The following KLHL28 variants were observed in gnomAD, a reference collection of about 807,000 sequenced individuals.
KLHL28 encodes kelch-like protein 28.
KLHL28 carries 22 observed loss-of-function variants against 48.3 expected under a neutral mutation model. The ratio of observed to expected loss-of-function variants is 0.46; its 90% CI spans 0.33 to 0.65. The LOEUF is 0.65. Among genes scored for constraint, KLHL28 ranks in the 30% least tolerant of loss-of-function variants. KLHL28 has a pLI of 0.03. For missense variants in KLHL28, 527 were observed against 704.3 expected (o/e 0.75, Z 2.85); for synonymous variants, 243 against 242.4 (o/e 1.00, Z -0.02).
intron 1 of KLHL28, 70 bp from the exon 2 acceptor site, chr14:44,945,998 A>T: frequency 3.4e-6 from 4 of 1,180,324 alleles, no homozygotes; most frequent in Non-Finnish European, 4.9e-6. Context: ...CTTTTCAAAT[A>T]GTACAGAATA....
intron 2 of KLHL28, among the ~76,000 whole-genome samples, chr14:44,935,916 C>T (rs1312879131): frequency 4.1e-5 from 1 of 24,460 alleles, no homozygotes; most frequent in African/African-American, 7.3e-5. Context: ...TTACCCTCCC[C>T]CCGCAAAGTT....
At chr14:44,932,250 T>TG (rs201731863) in intron 3 of KLHL28, among the ~76,000 whole-genome samples, 2,623 of 79,916 alleles carry the variant, frequency 0.033, 106 homozygotes, top group African/African-American at 0.1. Context: ...AAGAGAGGGG[T>TG]GGGGGGTGGG....
At chr14:44,949,823 A>G (rs1275698190) in intron 1 of KLHL28, among the ~76,000 whole-genome samples, 1 of 152,172 alleles carries the variant, frequency 6.6e-6, no homozygotes, top group Non-Finnish European at 1.5e-5. Flanking sequence ...TTGCAGTACT[A>G]TTTTAACACC....
intron 2 of KLHL28, among the ~76,000 whole-genome samples, chr14:44,943,864 A>G (rs1430556511): frequency 6.6e-6 from 1 of 151,934 alleles, no homozygotes; most frequent in African/African-American, 2.4e-5. Flanking sequence ...ACAGGAGTGC[A>G]ACACCACTCC....
In KLHL28 at chr14:44,931,529, A is replaced by G; in HGVS notation, c.1356T>C (p.Tyr452=). 1 of 1,612,538 alleles carries G rather than the reference A, an allele frequency of 6.2e-7. No homozygotes were observed. The highest frequency in any genetic ancestry group is 1.7e-4 in the Middle Eastern group (1 of 6,060). ...TCTCCCAGGAGTCCTTACTTGGATC[A>G]TAACGCTCCACACTGCAAATATTTA... ...GPAHMNSVER[Y]DPSKDSWEMV... is the part of the protein sequence containing the mutation. Residue 452 remains tyrosine, a synonymous_variant, in exon 4 of 5, where the codon TAT becomes TAC. Transcript: ENST00000396128.
chr14:44,936,713 T>C (rs1883837461), intron 2 of KLHL28, among the ~76,000 whole-genome samples: 1 of 152,296 alleles, frequency 6.6e-6, no homozygotes, highest in East Asian at 1.9e-4. Flanking sequence ...AGCCATGGCC[T>C]AAGTGGAGAA....
At chr14:44,930,015 A>G (rs1883513762) in intron 4 of KLHL28, among the ~76,000 whole-genome samples, 1 of 152,160 alleles carries the variant, frequency 6.6e-6, no homozygotes, top group East Asian at 1.9e-4. Context: ...AATATATTAA[A>G]TGACATAATT....
rs1883347072 is a variant in KLHL28 at position 44,925,505 on chromosome 14, A to C, written c.*3523T>G. On this transcript the variant is annotated 3_prime_UTR_variant, in exon 5 of 5. Transcript: ENST00000396128. ...TTGCTTATGCATAAACTAGGTCTCTAATCACTTCTTACGATGTCAGAGATA... is the reference window on the plus strand; with the variant it reads ...TTGCTTATGCATAAACTAGGTCTCTCATCACTTCTTACGATGTCAGAGATA... 1 of 152,108 alleles carries C rather than the reference A, an allele frequency of 6.6e-6. No individual in the cohort carries two copies. The highest frequency in any genetic ancestry group is 1.5e-5 in the Non-Finnish European group (1 of 67,942). 9.4% of individuals were successfully genotyped at this position (152,108 alleles called of 1,614,324 possible).
At chr14:44,948,705 T>C (rs982486153) in intron 1 of KLHL28, among the ~76,000 whole-genome samples, 5 of 152,142 alleles carry the variant, frequency 3.3e-5, no homozygotes, top group Non-Finnish European at 7.4e-5. Flanking sequence ...GATGCTCATG[T>C]AATGACTATA....
chr14:44,953,144 G>A (rs560972893), intron 1 of KLHL28, among the ~76,000 whole-genome samples: 1 of 152,146 alleles, frequency 6.6e-6, no homozygotes, highest in Non-Finnish European at 1.5e-5. Flanking sequence ...TATAAAAGTA[G>A]ATCATTTAGA....
chr14:44,931,173 C>T (rs1883569046), intron 4 of KLHL28, among the ~76,000 whole-genome samples, 160 bp downstream of exon 4: 1 of 150,630 alleles, frequency 6.6e-6, no homozygotes. Context: ...ATACTTTTGT[C>T]TAGCTAATTG....
intron 3 of KLHL28, among the ~76,000 whole-genome samples, chr14:44,932,557 G>A (rs1036366305): frequency 6.6e-6 from 1 of 152,106 alleles, no homozygotes; most frequent in Non-Finnish European, 1.5e-5. Context: ...AGATTGTTGG[G>A]CTTGTTCTGG....
chr14:44,943,509 T>C (rs1375675276), intron 2 of KLHL28, among the ~76,000 whole-genome samples: 1 of 151,864 alleles, frequency 6.6e-6, no homozygotes, highest in Non-Finnish European at 1.5e-5. Context: ...AATACAAAAT[T>C]AGCTGGGCAT....
intron 3 of KLHL28, among the ~76,000 whole-genome samples, chr14:44,932,098 C>T (rs991790884): frequency 1.2e-4 from 18 of 151,350 alleles, no homozygotes; most frequent in Non-Finnish European, 2.4e-4. Flanking sequence ...TCAGAGCTCA[C>T]TGCAGCCTCA....
chr14:44,961,738 C>G (rs1885118925), intron 1 of KLHL28, 108 bp downstream of exon 1: 2 of 152,354 alleles, frequency 1.3e-5, no homozygotes, highest in South Asian at 4.1e-4. Flanking sequence ...TGTCGCCTCT[C>G]TTTCCACCTG....
chr14:44,949,509 A>C (rs922466562), intron 1 of KLHL28, among the ~76,000 whole-genome samples: 1 of 152,146 alleles, frequency 6.6e-6, no homozygotes, highest in African/African-American at 2.4e-5. Flanking sequence ...TAGTGGAACA[A>C]ATACCCCCCA....
At chr14:44,948,823 A>G (rs180880103) in intron 1 of KLHL28, among the ~76,000 whole-genome samples, 1 of 152,134 alleles carries the variant, frequency 6.6e-6, no homozygotes, top group East Asian at 1.9e-4. Context: ...AATTCTCAAA[A>G]CTCAAGATCA....
intron 2 of KLHL28, among the ~76,000 whole-genome samples, chr14:44,939,071 A>T (rs1375739659): frequency 6.6e-6 from 1 of 152,150 alleles, no homozygotes; most frequent in Non-Finnish European, 1.5e-5. Flanking sequence ...AGTTAACATC[A>T]CATGGCCAAC....
intron 3 of KLHL28, 81 bp from the exon 4 acceptor site, chr14:44,931,622 G>T: frequency 2.0e-6 from 2 of 999,072 alleles, no homozygotes; most frequent in Non-Finnish European, 3.0e-6. Context: ...ACCCACTACA[G>T]CTTTAAAAGT....
Sources: gnomAD v4.1 joint callset for allele counts (sites outside exome capture counted in the v4.1 genomes callset) on GRCh38, gnomAD v4.1.1 for gene constraint, MANE v1.5 for transcripts, NCBI Gene and HGNC (gene_info 2026-07-23, HGNC 2026-07-21) for gene names.